The following CCNY variants were observed in gnomAD, a reference collection of about 807,000 sequenced individuals.
The protein encoded by CCNY is cyclin Y.
A neutral mutation model predicts 42.8 loss-of-function variants in CCNY; 19 were observed. That is an observed-to-expected ratio of 0.44 (90% CI 0.31 to 0.65). The LOEUF (loss-of-function observed/expected upper bound fraction) is 0.65. Ranked by LOEUF, CCNY falls within the 30% of genes least tolerant of loss-of-function variation. The pLI is 0.07. For missense variants in CCNY, 370 were observed against 437.3 expected, an observed-to-expected ratio of 0.85 and a Z score of 1.37; for synonymous variants, 165 against 162.7, an observed-to-expected ratio of 1.01 and a Z score of -0.11.
chr10:35,394,974 C>G, intron 1 of CCNY: 1 of 339,532 alleles, frequency 2.9e-6, no homozygotes, highest in Non-Finnish European at 4.2e-6. Context: ...CATATTCTTC[C>G]CACCCTCCCC....
At chr10:35,328,827 A>C (rs1388284098) in intron 3 of CCNY, among the ~76,000 whole-genome samples, 1 of 152,168 alleles carries the variant, frequency 6.6e-6, no homozygotes, top group Non-Finnish European at 1.5e-5. Flanking sequence ...GATTGAGACA[A>C]TTACTGTTTC....
intron 3 of CCNY, among the ~76,000 whole-genome samples, chr10:35,501,982 A>T (rs192078161): frequency 4.9e-4 from 75 of 152,298 alleles, no homozygotes; most frequent in African/African-American, 1.7e-3. Flanking sequence ...GGTCCAGTAG[A>T]GTCTGCGTGT....
At chr10:35,504,797 C>T (rs1262367123) in intron 3 of CCNY, among the ~76,000 whole-genome samples, 1 of 152,042 alleles carries the variant, frequency 6.6e-6, no homozygotes, top group Non-Finnish European at 1.5e-5. Flanking sequence ...CCACCATACC[C>T]GGCTAATTTT....
At chr10:35,545,892 C>T (rs182983067) in intron 7 of CCNY, among the ~76,000 whole-genome samples, 238 of 152,242 alleles carry the variant, frequency 1.6e-3, no homozygotes, top group African/African-American at 5.2e-3. Flanking sequence ...GTGAAACTGG[C>T]AGAAATTTTA....
At chr10:35,260,699 C>T (rs1036610497) in intron 3 of CCNY, among the ~76,000 whole-genome samples, 10 of 152,206 alleles carry the variant, frequency 6.6e-5, no homozygotes, top group African/African-American at 2.2e-4. Flanking sequence ...GACATAATTT[C>T]TCTTCTCCAC....
intron 1 of CCNY, among the ~76,000 whole-genome samples, chr10:35,341,002 TCCACCCTTG>T: frequency 6.6e-6 from 1 of 152,292 alleles, no homozygotes; most frequent in Admixed American, 6.5e-5. Flanking sequence ...TCTCCCTGCT[TCCACCCTTG>T]CCTGCTCCAG....
chr10:35,299,354 A>G (rs1229466396), intron 3 of CCNY, among the ~76,000 whole-genome samples: 1 of 152,234 alleles, frequency 6.6e-6, no homozygotes, highest in Non-Finnish European at 1.5e-5. Context: ...TCAATACAAG[A>G]GAAGGTGGTG....
chr10:35,347,041 G>A (rs1836320704), intron 1 of CCNY, among the ~76,000 whole-genome samples: 1 of 152,154 alleles, frequency 6.6e-6, no homozygotes, highest in African/African-American at 2.4e-5. Context: ...AAATGTTTTG[G>A]GCCATGGTAA....
At chr10:35,545,059 A>G (rs1841083651) in intron 7 of CCNY, among the ~76,000 whole-genome samples, 1 of 152,206 alleles carries the variant, frequency 6.6e-6, no homozygotes, top group East Asian at 1.9e-4. Context: ...GAAAATCACA[A>G]CATGACTAAT....
At chr10:35,511,040 G>A (rs1205705122) in intron 3 of CCNY, among the ~76,000 whole-genome samples, 8 of 152,180 alleles carry the variant, frequency 5.3e-5, no homozygotes, top group Admixed American at 2.6e-4. Context: ...TCATGTGTTC[G>A]GAACGTGTCA....
chr10:35,437,723 G>T (rs1453320887), intron 1 of CCNY, among the ~76,000 whole-genome samples: 1 of 151,984 alleles, frequency 6.6e-6, no homozygotes, highest in African/African-American at 2.4e-5. Context: ...AATAGAGTGA[G>T]AAAAGGTTTT....
At position 35,278,315 on chromosome 10, in the gene CCNY, A is replaced by G. The variant is rs543490873; in HGVS notation, c.-9+27689A>G. On this transcript the variant is annotated intron_variant, in intron 3 of 11. Transcript: ENST00000374706. Reference sequence around the variant, plus strand: ...CCTGACAAGGGAGAGGAGAGAGCACACGCCGAAGGAGCTGGAGAATACGCC... The same window carrying G: ...CCTGACAAGGGAGAGGAGAGAGCACGCGCCGAAGGAGCTGGAGAATACGCC... Among the ~76,000 whole-genome samples, 21 of 152,212 alleles carry G rather than the reference A, an allele frequency of 1.4e-4. No individual in the cohort carries two copies. The South Asian group carries it at 4.1e-3, about 30-fold the overall frequency.
chr10:35,253,092 G>A (rs979919498), intron 3 of CCNY, among the ~76,000 whole-genome samples: 2 of 152,140 alleles, frequency 1.3e-5, no homozygotes, highest in African/African-American at 4.8e-5. Context: ...AACAAATGAA[G>A]TTCACTGCTG....
At chr10:35,273,791 G>A (rs949532684) in intron 3 of CCNY, among the ~76,000 whole-genome samples, 5 of 152,194 alleles carry the variant, frequency 3.3e-5, no homozygotes, top group Non-Finnish European at 7.3e-5. Context: ...GCTACATTGT[G>A]AGTCTCCTGC....
At chr10:35,427,620 C>T (rs1311188147) in intron 1 of CCNY, among the ~76,000 whole-genome samples, 1 of 152,182 alleles carries the variant, frequency 6.6e-6, no homozygotes, top group Non-Finnish European at 1.5e-5. Flanking sequence ...TATTAAGATA[C>T]ACACATACAT....
intron 2 of CCNY, among the ~76,000 whole-genome samples, chr10:35,484,247 C>G (rs569383724): frequency 6.6e-6 from 1 of 152,254 alleles, no homozygotes; most frequent in Admixed American, 6.5e-5. Context: ...ACTTTTTGGG[C>G]AATTGCTAAG....
chr10:35,326,948 T>C (rs1046795212), intron 3 of CCNY, among the ~76,000 whole-genome samples: 1 of 152,138 alleles, frequency 6.6e-6, no homozygotes, highest in African/African-American at 2.4e-5. Flanking sequence ...GTCCTCCTGG[T>C]CTTATAACCA....
intron 3 of CCNY, among the ~76,000 whole-genome samples, chr10:35,298,023 C>G (rs533288873): frequency 1.1e-4 from 17 of 151,010 alleles, no homozygotes; most frequent in Admixed American, 5.9e-4. Flanking sequence ...AAAAAAAGAG[C>G]CTGAATAGCC....
intron 1 of CCNY, among the ~76,000 whole-genome samples, chr10:35,462,506 C>G (rs555445791): frequency 1.3e-5 from 2 of 152,304 alleles, no homozygotes; most frequent in Admixed American, 1.3e-4. Context: ...ACAGTGAGAC[C>G]ATGCTGAGGC....
Sources: gnomAD v4.1 joint callset for allele counts (sites outside exome capture counted in the v4.1 genomes callset) on GRCh38, gnomAD v4.1.1 for gene constraint, MANE v1.5 for transcripts, NCBI Gene and HGNC (gene_info 2026-07-23, HGNC 2026-07-21) for gene names.